The following SIPA1L2 variants were observed in gnomAD, a reference collection of about 807,000 sequenced individuals.
SIPA1L2 encodes the protein signal-induced proliferation-associated 1-like protein 2.
A neutral mutation model predicts 163.9 loss-of-function variants in SIPA1L2; 56 were observed. That is an observed-to-expected ratio of 0.34 (90% confidence interval 0.28 to 0.43). The LOEUF (loss-of-function observed/expected upper bound fraction) is 0.43, where lower values mean the gene tolerates loss of function less well. Among genes scored for constraint, SIPA1L2 ranks in the 20% least tolerant of loss-of-function variants. The pLI, the probability that SIPA1L2 is intolerant of heterozygous loss-of-function variation, is 1.00. For synonymous variants in SIPA1L2, 877 were observed against 865.7 expected (o/e 1.01, Z -0.23); for missense variants, 1,974 against 2,193.5 (o/e 0.90, Z 2.00).
chr1:232,433,083 G>C (rs1662346262), intron 15 of SIPA1L2, among the ~76,000 whole-genome samples: 1 of 152,154 alleles, frequency 6.6e-6, no homozygotes, highest in African/African-American at 2.4e-5. Context: ...TGCTGCACGT[G>C]CAACTGTCAA....
At chr1:232,573,065 G>A (rs908058898) in intron 2 of SIPA1L2, among the ~76,000 whole-genome samples, 2 of 151,996 alleles carry the variant, frequency 1.3e-5, no homozygotes, top group African/African-American at 4.8e-5. Flanking sequence ...ACAGGTTTGA[G>A]TCACTGTGCC....
At chr1:232,573,405 T>C (rs1230842179) in intron 2 of SIPA1L2, among the ~76,000 whole-genome samples, 2 of 152,152 alleles carry the variant, frequency 1.3e-5, no homozygotes, top group Non-Finnish European at 2.9e-5. Context: ...GTCATGAAGT[T>C]TGTAACCTGA....
chr1:232,572,732 T>C (rs1456719359), intron 2 of SIPA1L2, among the ~76,000 whole-genome samples: 36 of 75,790 alleles, frequency 4.7e-4, no homozygotes, highest in Admixed American at 6.0e-4. Context: ...CATATATACA[T>C]ACATACATAT....
intron 1 of SIPA1L2, among the ~76,000 whole-genome samples, chr1:232,615,040 T>C (rs143192663): frequency 6.6e-4 from 100 of 152,348 alleles, no homozygotes; most frequent in African/African-American, 2.3e-3. Flanking sequence ...CATAGTACAC[T>C]GTGGATGTTA....
intron 9 of SIPA1L2, chr1:232,462,547 G>C: frequency 2.6e-6 from 1 of 378,850 alleles, no homozygotes; most frequent in South Asian, 5.5e-5. Context: ...AGCAAAATGC[G>C]GAAAGGGGAC....
chr1:232,566,046 A>G (rs1391032459), intron 2 of SIPA1L2, among the ~76,000 whole-genome samples: 1 of 152,228 alleles, frequency 6.6e-6, no homozygotes, highest in Admixed American at 6.5e-5. Flanking sequence ...TTAGCTTTTA[A>G]GAATCACCTG....
intron 2 of SIPA1L2, among the ~76,000 whole-genome samples, chr1:232,555,366 G>A (rs1448915042): frequency 6.6e-6 from 1 of 152,134 alleles, no homozygotes; most frequent in African/African-American, 2.4e-5. Flanking sequence ...ACCTGGAGCA[G>A]CATAACCCCA....
intron 2 of SIPA1L2, among the ~76,000 whole-genome samples, chr1:232,558,986 C>G (rs1658883471): frequency 1.3e-5 from 2 of 152,178 alleles, no homozygotes; most frequent in Admixed American, 6.5e-5. Flanking sequence ...TTTGCAAAAA[C>G]CAGCCCAAGG....
chr1:232,577,610 G>A (rs1298889859), intron 1 of SIPA1L2, among the ~76,000 whole-genome samples: 4 of 152,090 alleles, frequency 2.6e-5, no homozygotes, highest in Non-Finnish European at 4.4e-5. Flanking sequence ...ATGGGTGGAG[G>A]TCAAAATATC....
chr1:232,624,911 C>A (rs1363131421), intron 1 of SIPA1L2, among the ~76,000 whole-genome samples: 2 of 152,128 alleles, frequency 1.3e-5, no homozygotes, highest in Admixed American at 1.3e-4. Flanking sequence ...GAAGAAAGTC[C>A]AACAATATTC....
intron 2 of SIPA1L2, among the ~76,000 whole-genome samples, chr1:232,546,381 A>T (rs1412953758): frequency 6.6e-6 from 1 of 152,118 alleles, no homozygotes; most frequent in Non-Finnish European, 1.5e-5. Context: ...CACAGAAGGG[A>T]TTTATGGCCC....
At chr1:232,595,850 A>C (rs1380758863) in intron 1 of SIPA1L2, among the ~76,000 whole-genome samples, 1 of 152,246 alleles carries the variant, frequency 6.6e-6, no homozygotes, top group Admixed American at 6.5e-5. Flanking sequence ...TTTCATTAGG[A>C]ATAGATGGAA....
chr1:232,522,776 C>CCG (rs1166132142), intron 2 of SIPA1L2, among the ~76,000 whole-genome samples: 1 of 152,132 alleles, frequency 6.6e-6, no homozygotes, highest in African/African-American at 2.4e-5. Flanking sequence ...CGTGAAATAG[C>CCG]TGAAAATGTA....
At chr1:232,409,017 C>A (rs1339843800) in intron 19 of SIPA1L2, among the ~76,000 whole-genome samples, 2 of 152,044 alleles carry the variant, frequency 1.3e-5, no homozygotes, top group Admixed American at 6.6e-5. Context: ...ACATAAATTC[C>A]TTACCCATGT....
At chr1:232,418,281 C>T (rs1432054046) in intron 18 of SIPA1L2, among the ~76,000 whole-genome samples, 1 of 152,144 alleles carries the variant, frequency 6.6e-6, no homozygotes, top group Admixed American at 6.5e-5. Context: ...CGGCCAGTGC[C>T]CTGATTCACA....
chr1:232,503,091 C>T (rs1350917703), intron 3 of SIPA1L2, among the ~76,000 whole-genome samples: 4 of 152,192 alleles, frequency 2.6e-5, no homozygotes, highest in East Asian at 1.9e-4. Flanking sequence ...GTTCTTATTC[C>T]GGGCAGAAGA....
intron 8 of SIPA1L2, among the ~76,000 whole-genome samples, chr1:232,469,330 A>AT (rs758141851): frequency 7.2e-5 from 11 of 152,204 alleles, no homozygotes; most frequent in Non-Finnish European, 1.3e-4. Flanking sequence ...ATTTTAATGA[A>AT]TTTATTTCTC....
chr1:232,416,374 A>G (rs1038815492), intron 18 of SIPA1L2, among the ~76,000 whole-genome samples: 3 of 152,244 alleles, frequency 2.0e-5, no homozygotes, highest in African/African-American at 7.2e-5. Flanking sequence ...GCCAGCATGT[A>G]AGGGCAGGGA....
intron 11 of SIPA1L2, among the ~76,000 whole-genome samples, chr1:232,444,366 C>A (rs1195791288): frequency 5.9e-5 from 9 of 152,126 alleles, no homozygotes; most frequent in Non-Finnish European, 1.2e-4. Context: ...GGAGGTTCTG[C>A]AGATCCCCTT....
Sources: allele counts gnomAD v4.1 joint callset (sites outside exome capture counted in the v4.1 genomes callset), GRCh38; gene constraint gnomAD v4.1.1; transcripts MANE v1.5; gene names NCBI Gene and HGNC (gene_info 2026-07-23, HGNC 2026-07-21).